RASAL2: variants seen among roughly 807,000 people sequenced by gnomAD.
RASAL2 encodes RAS protein activator like 2.
In RASAL2, 58 loss-of-function variants were observed where a neutral mutation model predicts 128.9. The observed-to-expected ratio is 0.45, with a 90% CI of 0.36 to 0.56. The LOEUF (loss-of-function observed/expected upper bound fraction) is 0.56, where lower values mean the gene tolerates loss of function less well. Among genes scored for constraint, RASAL2 ranks in the 20% least tolerant of loss-of-function variants. The probability of loss-of-function intolerance (pLI) is 0.00; values close to 1 mark genes in which losing one functional copy is unlikely to be tolerated. For missense variants in RASAL2, 1,360 were observed against 1,601.6 expected (o/e 0.85, Z 2.57); for synonymous variants, 561 against 580.8 (o/e 0.97, Z 0.49).
At chr1:178,126,300 A>G (rs1174712818) in intron 1 of RASAL2, among the ~76,000 whole-genome samples, 1 of 152,198 alleles carries the variant, frequency 6.6e-6, no homozygotes, top group African/African-American at 2.4e-5. Flanking sequence ...AAACACATGT[A>G]AAGATATATA....
intron 1 of RASAL2, among the ~76,000 whole-genome samples, chr1:178,136,161 A>C (rs1660317896): frequency 6.6e-6 from 1 of 152,224 alleles, no homozygotes; most frequent in Non-Finnish European, 1.5e-5. Flanking sequence ...TTCAGTTCAT[A>C]GATTTTTATG....
At chr1:178,309,348 C>T (rs1477378649) in intron 3 of RASAL2, among the ~76,000 whole-genome samples, 1 of 152,018 alleles carries the variant, frequency 6.6e-6, no homozygotes, top group African/African-American at 2.4e-5. Context: ...AATATCTAGG[C>T]ATTATATTTG....
At chr1:178,464,831 G>GTTTTGTTTTTTTTT (rs1647490598) in intron 15 of RASAL2, among the ~76,000 whole-genome samples, 1 of 38,200 alleles carries the variant, frequency 2.6e-5, no homozygotes, top group East Asian at 1.0e-3. Flanking sequence ...GGTTTTAGTT[G>GTTTTGTTTTTTTTT]TTTTTTTTTT....
chr1:178,171,167 AT>A (rs1661693877), intron 1 of RASAL2, among the ~76,000 whole-genome samples: 2 of 151,940 alleles, frequency 1.3e-5, no homozygotes, highest in Non-Finnish European at 2.9e-5. Context: ...TCCAAAAGTA[AT>A]TTCTACTCCT....
intron 1 of RASAL2, among the ~76,000 whole-genome samples, chr1:178,184,473 C>T (rs1662222675): frequency 6.6e-6 from 1 of 150,804 alleles, no homozygotes; most frequent in Admixed American, 6.6e-5. Flanking sequence ...ACATTTAGAT[C>T]TGTGTTCCAT....
intron 1 of RASAL2, among the ~76,000 whole-genome samples, chr1:178,102,616 C>A (rs1455019750): frequency 2.0e-5 from 3 of 152,018 alleles, no homozygotes; most frequent in Non-Finnish European, 4.4e-5. Flanking sequence ...TATCAAACTG[C>A]ATATATTTTA....
chr1:178,173,022 A>T (rs543777556), intron 1 of RASAL2, among the ~76,000 whole-genome samples: 2 of 152,212 alleles, frequency 1.3e-5, no homozygotes, highest in East Asian at 3.9e-4. Context: ...GATAATTATA[A>T]ATGGATTTTC....
At chr1:178,241,334 A>G (rs1664487769) in intron 1 of RASAL2, among the ~76,000 whole-genome samples, 1 of 152,172 alleles carries the variant, frequency 6.6e-6, no homozygotes. Context: ...CTACAAAAGT[A>G]CTATATGTTT....
chr1:178,455,532 A>G (rs763350111), intron 12 of RASAL2, among the ~76,000 whole-genome samples: 18 of 152,060 alleles, frequency 1.2e-4, no homozygotes, highest in Middle Eastern at 3.4e-3. Context: ...CTGAGGAAAC[A>G]TATGTGGTAA....
chr1:178,303,956 T>C (rs1354750926), intron 3 of RASAL2, among the ~76,000 whole-genome samples: 2 of 152,056 alleles, frequency 1.3e-5, no homozygotes, highest in African/African-American at 2.4e-5. Flanking sequence ...TGAATAGTGA[T>C]TGGGAGAAAT....
intron 1 of RASAL2, among the ~76,000 whole-genome samples, chr1:178,168,425 C>A (rs1288878656): frequency 1.3e-5 from 2 of 151,634 alleles, no homozygotes; most frequent in Non-Finnish European, 2.9e-5. Flanking sequence ...CGTTTTATAC[C>A]TTTAGCTTAA....
At chr1:178,368,471 C>A (rs1207049944) in intron 3 of RASAL2, among the ~76,000 whole-genome samples, 1 of 152,086 alleles carries the variant, frequency 6.6e-6, no homozygotes, top group Non-Finnish European at 1.5e-5. Flanking sequence ...AATAGGAACT[C>A]TGTAAGTCAC....
At chr1:178,304,582 G>C (rs1322485128) in intron 3 of RASAL2, among the ~76,000 whole-genome samples, 1 of 152,124 alleles carries the variant, frequency 6.6e-6, no homozygotes, top group Non-Finnish European at 1.5e-5. Context: ...TTCTTGGTAA[G>C]TTTAGGAACT....
chr1:178,242,422 ATTCTCTCTCT>A (rs1394791357), intron 1 of RASAL2, among the ~76,000 whole-genome samples: 38 of 92,074 alleles, frequency 4.1e-4, no homozygotes, highest in African/African-American at 1.3e-3. Context: ...TTTATAATTC[ATTCTCTCTCT>A]CTCTCTCTCT....
chr1:178,451,350 T>C (rs1015539126), intron 9 of RASAL2, among the ~76,000 whole-genome samples: 5 of 152,178 alleles, frequency 3.3e-5, no homozygotes, highest in Admixed American at 6.5e-5. Context: ...TGATTGCTGT[T>C]ATTCCACTTC....
chr1:178,094,352 A>T lies in RASAL2; in HGVS notation c.-141A>T. The T allele has an allele frequency of 1.4e-6, 1 of 730,690 alleles. No homozygotes were observed. Among genetic ancestry groups the T allele is most frequent in the Non-Finnish European group, 2.1e-6 (1 of 473,238 alleles). The allele number at this position is 730,690 out of a possible 1,614,324, so 45.3% of individuals were successfully genotyped here. A position where few individuals can be genotyped will look rare whatever the true frequency, so the allele number is the denominator to read the frequency against. Reference sequence around the variant, plus strand: ...GCAGTGGGCGACGGGGAAGGAGGTGAGAGGTGTCCGCGCCGGCTGCCGCTC... The same window carrying T: ...GCAGTGGGCGACGGGGAAGGAGGTGTGAGGTGTCCGCGCCGGCTGCCGCTC... On this transcript the variant is annotated 5_prime_UTR_variant, in exon 1 of 18. Transcript: ENST00000367649.
chr1:178,111,149 T>C (rs1002840005), intron 1 of RASAL2, among the ~76,000 whole-genome samples: 5 of 152,362 alleles, frequency 3.3e-5, no homozygotes, highest in Middle Eastern at 3.4e-3. Context: ...CCCATCGATA[T>C]TCTACAATTG....
intron 1 of RASAL2, among the ~76,000 whole-genome samples, chr1:178,242,606 A>G (rs971691443): frequency 1.3e-5 from 2 of 151,988 alleles, no homozygotes; most frequent in African/African-American, 2.4e-5. Flanking sequence ...GCCCACTTAC[A>G]TTCTTGAATC....
chr1:178,100,527 T>TA (rs878987686), intron 1 of RASAL2, among the ~76,000 whole-genome samples: 7,098 of 105,346 alleles, frequency 0.067, 232 homozygotes, highest in Non-Finnish European at 0.099. Context: ...CAGTCTCAAA[T>TA]AAAAAAAAAA....
Sources: allele counts gnomAD v4.1 joint callset (sites outside exome capture counted in the v4.1 genomes callset), GRCh38; gene constraint gnomAD v4.1.1; transcripts MANE v1.5; gene names NCBI Gene and HGNC (gene_info 2026-07-23, HGNC 2026-07-21).